Variants in BICC1 observed in about 807,000 individuals in gnomAD.
The protein encoded by BICC1 is protein bicaudal C homolog 1.
In BICC1, 43 loss-of-function variants were observed where a neutral mutation model predicts 111.0. The ratio of observed to expected loss-of-function variants is 0.39; its 90% CI spans 0.30 to 0.50. The LOEUF (loss-of-function observed/expected upper bound fraction) is 0.50, where lower values mean the gene tolerates loss of function less well. Among genes scored for constraint, BICC1 ranks in the 20% least tolerant of loss-of-function variants. The pLI is 0.88. For synonymous variants in BICC1, 467 were observed against 434.4 expected (o/e 1.07, Z -0.93); for missense variants, 1,091 against 1,203.2 (o/e 0.91, Z 1.38).
intron 1 of BICC1, among the ~76,000 whole-genome samples, chr10:58,552,372 G>T (rs1478356016): frequency 6.6e-6 from 1 of 151,818 alleles, no homozygotes; most frequent in Non-Finnish European, 1.5e-5. Flanking sequence ...GTCTTGCACT[G>T]TCACGCAGGC....
intron 1 of BICC1, among the ~76,000 whole-genome samples, chr10:58,576,505 T>G (rs1235326302): frequency 6.6e-6 from 1 of 152,222 alleles, no homozygotes; most frequent in East Asian, 1.9e-4. Flanking sequence ...TGAATAGCAC[T>G]GATGCCCATT....
chr10:58,644,364 C>CCGATTCTT (rs1838206767), intron 2 of BICC1, among the ~76,000 whole-genome samples: 1 of 152,128 alleles, frequency 6.6e-6, no homozygotes, highest in Non-Finnish European at 1.5e-5. Context: ...GTGCCTGGCC[C>CCGATTCTT]CGATTCTTCT....
chr10:58,685,905 T>C (rs189857398), intron 2 of BICC1, among the ~76,000 whole-genome samples: 47 of 152,212 alleles, frequency 3.1e-4, no homozygotes, highest in Non-Finnish European at 5.6e-4. Context: ...GATCCTGTTA[T>C]TATGATGTTA....
intron 3 of BICC1, among the ~76,000 whole-genome samples, chr10:58,753,036 C>T (rs750115927): frequency 6.6e-6 from 1 of 152,184 alleles, no homozygotes; most frequent in Non-Finnish European, 1.5e-5. Flanking sequence ...GATTGAAGGG[C>T]TGCAGGGTGT....
intron 17 of BICC1, among the ~76,000 whole-genome samples, chr10:58,808,424 G>T (rs184110291): frequency 6.6e-6 from 1 of 152,188 alleles, no homozygotes; most frequent in Non-Finnish European, 1.5e-5. Flanking sequence ...AAGTGTGCCA[G>T]ATTGTTGACT....
chr10:58,671,334 C>T (rs945648059), intron 2 of BICC1, among the ~76,000 whole-genome samples: 1 of 152,108 alleles, frequency 6.6e-6, no homozygotes, highest in Admixed American at 6.6e-5. Flanking sequence ...CCTCAGTAAC[C>T]CAAGATTCTT....
At chr10:58,741,115 C>A (rs1434501280) in intron 3 of BICC1, among the ~76,000 whole-genome samples, 1 of 152,076 alleles carries the variant, frequency 6.6e-6, no homozygotes, top group Non-Finnish European at 1.5e-5. Context: ...AGGCAGTGCT[C>A]ACATTTGTAT....
chr10:58,780,701 A>G (rs2132763840), intron 3 of BICC1, among the ~76,000 whole-genome samples: 1 of 152,316 alleles, frequency 6.6e-6, no homozygotes, highest in East Asian at 1.9e-4. Flanking sequence ...AATGTTTCCA[A>G]GGATGGAAAA....
intron 1 of BICC1, among the ~76,000 whole-genome samples, chr10:58,582,077 T>G (rs1470214886): frequency 6.6e-6 from 1 of 152,202 alleles, no homozygotes; most frequent in East Asian, 1.9e-4. Flanking sequence ...CTTTCAATTT[T>G]TGAAGATTGC....
chr10:58,722,239 A>T (rs1840961155), intron 3 of BICC1, among the ~76,000 whole-genome samples: 1 of 152,248 alleles, frequency 6.6e-6, no homozygotes, highest in Non-Finnish European at 1.5e-5. Context: ...CACTGAAAAG[A>T]TGCCTGCACT....
At chr10:58,711,268 T>C (rs1233174276) in intron 3 of BICC1, among the ~76,000 whole-genome samples, 2 of 152,310 alleles carry the variant, frequency 1.3e-5, no homozygotes, top group African/African-American at 4.8e-5. Flanking sequence ...AATGTACCAA[T>C]AGTCACTGTG....
intron 1 of BICC1, among the ~76,000 whole-genome samples, chr10:58,561,320 G>C (rs1589099384): frequency 1.3e-5 from 2 of 151,088 alleles, no homozygotes; most frequent in East Asian, 3.9e-4. Context: ...TCTTTTTATA[G>C]TTTTTGACTT....
chr10:58,549,623 T>A (rs1248862283), intron 1 of BICC1, among the ~76,000 whole-genome samples: 1 of 152,080 alleles, frequency 6.6e-6, no homozygotes, highest in Non-Finnish European at 1.5e-5. Flanking sequence ...CAGATTTTTT[T>A]TTTTTGGCCC....
intron 2 of BICC1, among the ~76,000 whole-genome samples, chr10:58,653,768 T>C (rs142865553): frequency 3.7e-4 from 55 of 150,452 alleles, no homozygotes; most frequent in African/African-American, 1.1e-3. Flanking sequence ...GCCATGCTGG[T>C]GTGCTGCACC....
At position 58,715,987 on chromosome 10, in the gene BICC1, T is replaced by A; in HGVS notation, c.307+13844T>A. 3 of 1,403,942 alleles carry A rather than the reference T, an allele frequency of 2.1e-6. 1 individual carries two copies. In the South Asian group the frequency reaches 3.7e-5, roughly 17 times the overall value. The allele number at this position is 1,403,942 out of a possible 1,614,324, so 87.0% of individuals were successfully genotyped here. A position where few individuals can be genotyped will look rare whatever the true frequency, so the allele number is the denominator to read the frequency against. On this transcript the variant is annotated intron_variant, in intron 3 of 20. Coordinates refer to ENST00000373886, the MANE Select transcript of BICC1 (RefSeq NM_001080512.3). ...CCGTTCACATAAATCTTCTGAAAGC[T>A]CCATGTCAGAAACTGAATCAGACAG...
intron 3 of BICC1, among the ~76,000 whole-genome samples, chr10:58,734,758 G>A (rs1841417895): frequency 6.6e-6 from 1 of 152,152 alleles, no homozygotes; most frequent in Non-Finnish European, 1.5e-5. Context: ...GTCTGCAGTG[G>A]CTTCAGACAT....
At chr10:58,789,189 C>A in intron 6 of BICC1, 73 bp from the exon 7 acceptor site, 2 of 1,257,318 alleles carry the variant, frequency 1.6e-6, no homozygotes, top group South Asian at 2.9e-5. Flanking sequence ...AGAAAAGAAC[C>A]AATGAATGAT....
chr10:58,754,179 A>G (rs1179337092), intron 3 of BICC1, among the ~76,000 whole-genome samples: 1 of 152,186 alleles, frequency 6.6e-6, no homozygotes, highest in African/African-American at 2.4e-5. Flanking sequence ...CAAAGTGTTC[A>G]TGTACAGCTC....
At chr10:58,531,539 A>G (rs1397007983) in intron 1 of BICC1, among the ~76,000 whole-genome samples, 1 of 151,864 alleles carries the variant, frequency 6.6e-6, no homozygotes, top group Non-Finnish European at 1.5e-5. Context: ...AACAGGGAAA[A>G]TATGGTCCAA....
Sources: gnomAD v4.1 joint callset for allele counts (sites outside exome capture counted in the v4.1 genomes callset) on GRCh38, gnomAD v4.1.1 for gene constraint, MANE v1.5 for transcripts, NCBI Gene and HGNC (gene_info 2026-07-23, HGNC 2026-07-21) for gene names.